Variants in PDZRN4 observed in about 807,000 individuals in gnomAD.
The protein encoded by PDZRN4 is PDZ domain containing ring finger 4.
A neutral mutation model predicts 99.0 loss-of-function variants in PDZRN4; 70 were observed. The observed-to-expected ratio is 0.71, with a 90% CI of 0.58 to 0.86. The LOEUF (loss-of-function observed/expected upper bound fraction) is 0.86. Ranked by LOEUF, PDZRN4 falls within the 40% of genes least tolerant of loss-of-function variation. The probability of loss-of-function intolerance (pLI) is 0.00; values close to 1 mark genes in which losing one functional copy is unlikely to be tolerated. For synonymous variants in PDZRN4, 551 were observed against 501.6 expected (o/e 1.10, Z -1.32); for missense variants, 1,474 against 1,331.2 (o/e 1.11, Z -1.67).
chr12:41,323,363 T>G (rs1389344867), intron 3 of PDZRN4, among the ~76,000 whole-genome samples: 1 of 152,176 alleles, frequency 6.6e-6, no homozygotes, highest in Non-Finnish European at 1.5e-5. Context: ...AATATTGACC[T>G]CATTCTTACA....
chr12:41,537,301 C>A (rs1179977972), intron 5 of PDZRN4, among the ~76,000 whole-genome samples: 1 of 152,128 alleles, frequency 6.6e-6, no homozygotes, highest in African/African-American at 2.4e-5. Flanking sequence ...GGCAAATGGG[C>A]AATGAGCACT....
chr12:41,503,099 A>G (rs1400475871), intron 3 of PDZRN4, among the ~76,000 whole-genome samples: 2 of 152,108 alleles, frequency 1.3e-5, no homozygotes, highest in Non-Finnish European at 2.9e-5. Flanking sequence ...GGCTAACAGT[A>G]TGTTGATGAA....
intron 3 of PDZRN4, among the ~76,000 whole-genome samples, chr12:41,418,257 T>C (rs1004021447): frequency 1.3e-5 from 2 of 152,176 alleles, no homozygotes; most frequent in African/African-American, 4.8e-5. Context: ...CTTGGAAACA[T>C]TGTTTTCATT....
chr12:41,319,625 C>T (rs2120970230), intron 3 of PDZRN4, among the ~76,000 whole-genome samples: 1 of 152,262 alleles, frequency 6.6e-6, no homozygotes, highest in East Asian at 1.9e-4. Context: ...CACACAGGCC[C>T]TCTCATGAAT....
intron 3 of PDZRN4, among the ~76,000 whole-genome samples, chr12:41,299,291 T>G (rs1211896149): frequency 6.6e-6 from 1 of 151,926 alleles, no homozygotes; most frequent in African/African-American, 2.4e-5. Context: ...AGACAGAAAT[T>G]AAAAGTTTCT....
At chr12:41,288,592 C>T (rs1324066665) in intron 3 of PDZRN4, among the ~76,000 whole-genome samples, 2 of 128,926 alleles carry the variant, frequency 1.6e-5, no homozygotes, top group South Asian at 2.6e-4. Flanking sequence ...TGAAACTGCT[C>T]GAAATGGCTT....
chr12:41,354,391 T>G (rs1324647214), intron 3 of PDZRN4, among the ~76,000 whole-genome samples: 5 of 151,922 alleles, frequency 3.3e-5, no homozygotes, highest in Admixed American at 3.3e-4. Flanking sequence ...AAGTGTCCGT[T>G]GAGAACAACC....
chr12:41,197,928 T>TTTG (rs1950787875), intron 3 of PDZRN4, among the ~76,000 whole-genome samples: 1 of 143,930 alleles, frequency 6.9e-6, no homozygotes, highest in African/African-American at 2.6e-5. Context: ...GGGTTTTTTT[T>TTTG]TTTGGAGACA....
intron 3 of PDZRN4, among the ~76,000 whole-genome samples, chr12:41,469,791 G>A (rs1004959544): frequency 2.0e-5 from 3 of 152,074 alleles, no homozygotes; most frequent in Admixed American, 6.6e-5. Flanking sequence ...TTAGCCGGGC[G>A]TGGTGGCGGG....
intron 3 of PDZRN4, among the ~76,000 whole-genome samples, chr12:41,305,798 T>C (rs1951565908): frequency 6.6e-6 from 1 of 152,178 alleles, no homozygotes; most frequent in African/African-American, 2.4e-5. Context: ...ATATGTAAAA[T>C]ACATTTGTTC....
intron 3 of PDZRN4, among the ~76,000 whole-genome samples, chr12:41,303,531 GA>G (rs765208841): frequency 2.8e-4 from 43 of 152,232 alleles, no homozygotes; most frequent in Non-Finnish European, 5.6e-4. Context: ...CTTTCCTCTG[GA>G]AATCTCACAT....
intron 5 of PDZRN4, among the ~76,000 whole-genome samples, chr12:41,531,264 G>A (rs1242434474): frequency 1.3e-5 from 2 of 152,034 alleles, no homozygotes; most frequent in East Asian, 3.9e-4. Context: ...ATTTTCCCTC[G>A]GAGTAGGGCC....
intron 3 of PDZRN4, among the ~76,000 whole-genome samples, chr12:41,491,920 G>A (rs1937893881): frequency 6.6e-6 from 1 of 152,074 alleles, no homozygotes; most frequent in South Asian, 2.1e-4. Context: ...AGTATAGACT[G>A]AATAAAAATA....
chr12:41,388,851 A>G (rs1952190846), intron 3 of PDZRN4, among the ~76,000 whole-genome samples: 1 of 152,122 alleles, frequency 6.6e-6, no homozygotes, highest in Admixed American at 6.6e-5. Flanking sequence ...TTTTTTGTGT[A>G]TTCATCTTAT....
intron 3 of PDZRN4, among the ~76,000 whole-genome samples, chr12:41,271,511 T>G (rs1951314266): frequency 6.6e-6 from 1 of 152,162 alleles, no homozygotes; most frequent in African/African-American, 2.4e-5. Context: ...TCTAGTCTGT[T>G]TTAACCACCT....
chr12:41,370,363 G>A (rs182672138), intron 3 of PDZRN4, among the ~76,000 whole-genome samples: 1 of 151,916 alleles, frequency 6.6e-6, no homozygotes, highest in Non-Finnish European at 1.5e-5. Flanking sequence ...AATAAAATTT[G>A]TAGTTGACAG....
At chr12:41,264,218 A>G (rs12319787) in intron 3 of PDZRN4, among the ~76,000 whole-genome samples, 20,710 of 152,152 alleles carry the variant, frequency 0.14, 2,184 homozygotes, top group African/African-American at 0.29. Context: ...AGAGCTAATT[A>G]TTCTCTAATT....
chr12:41,502,363 A>G (rs774692505), intron 3 of PDZRN4, among the ~76,000 whole-genome samples: 1 of 152,130 alleles, frequency 6.6e-6, no homozygotes, highest in African/African-American at 2.4e-5. Context: ...CTATCCTCTC[A>G]ATCATTCGAT....
chr12:41,396,397 A>ATTGTTG lies in PDZRN4; in HGVS notation c.844-110038_844-110033dup, dbSNP rs141772109. Among the ~76,000 whole-genome samples, 293 of 151,846 alleles carry ATTGTTG rather than the reference A, an allele frequency of 1.9e-3. 2 individuals carry two copies. The highest frequency in any genetic ancestry group is 6.1e-3 in the African/African-American group (253 of 41,404). On this transcript the variant is annotated intron_variant, in intron 3 of 9. Transcript: ENST00000402685. ...CTACTACTGCATTTTAGCGTTTGCT[A>ATTGTTG]TTGTTGTTGTTGTTGTTGTTGTTGT...
Sources: allele counts gnomAD v4.1 joint callset (sites outside exome capture counted in the v4.1 genomes callset), GRCh38; gene constraint gnomAD v4.1.1; transcripts MANE v1.5; gene names NCBI Gene and HGNC (gene_info 2026-07-23, HGNC 2026-07-21).